The following CNTNAP3B variants were observed in gnomAD, a reference collection of about 807,000 sequenced individuals.
CNTNAP3B encodes the protein contactin associated protein family member 3B.
CNTNAP3B carries 25 observed loss-of-function variants against 108.9 expected under a neutral mutation model. The ratio of observed to expected loss-of-function variants is 0.23; its 90% CI spans 0.17 to 0.32. The LOEUF (loss-of-function observed/expected upper bound fraction) is 0.32, where lower values mean the gene tolerates loss of function less well. CNTNAP3B is among the 10% of genes least tolerant of loss of function. The pLI is 1.00. For synonymous variants in CNTNAP3B, 103 were observed against 473.4 expected, an observed-to-expected ratio of 0.22 and a Z score of 10.16; for missense variants, 252 against 1,210.4, an observed-to-expected ratio of 0.21 and a Z score of 11.75.
chr9:42,071,506 G>T (rs1234042785), intron 3 of CNTNAP3B, among the ~76,000 whole-genome samples: 1 of 135,924 alleles, frequency 7.4e-6, no homozygotes, highest in Non-Finnish European at 1.6e-5. Flanking sequence ...ATCTAAATAA[G>T]GTCAGTTCTT....
At chr9:42,097,101 G>A (rs1827916958) in intron 2 of CNTNAP3B, among the ~76,000 whole-genome samples, 1 of 139,818 alleles carries the variant, frequency 7.2e-6, no homozygotes, top group African/African-American at 2.8e-5. Flanking sequence ...TGATGGCTGT[G>A]TGGATCCAAT....
chr9:41,927,441 G>C (rs1244604143), intron 15 of CNTNAP3B, among the ~76,000 whole-genome samples: 18 of 149,552 alleles, frequency 1.2e-4, no homozygotes, highest in African/African-American at 4.2e-4. Context: ...AAGAAAGAGA[G>C]AGAAAGAAAG....
intron 18 of CNTNAP3B, among the ~76,000 whole-genome samples, chr9:41,919,398 G>A (rs1039597383): frequency 6.6e-6 from 1 of 151,476 alleles, no homozygotes; most frequent in Non-Finnish European, 1.5e-5. Flanking sequence ...ACAGGCATAA[G>A]CCACCACGCC....
chr9:41,927,423 A>G (rs1469479020), intron 15 of CNTNAP3B, among the ~76,000 whole-genome samples: 16 of 150,034 alleles, frequency 1.1e-4, no homozygotes, highest in African/African-American at 3.7e-4. Context: ...AGAAAGAAAA[A>G]GAAAGAAAAG....
In CNTNAP3B at chr9:41,934,188, C is replaced by CAT. The variant is rs748553009; in HGVS notation, c.2237+4054_2237+4055dup. Among the ~76,000 whole-genome samples the CAT allele has an allele frequency of 4.1e-3, 555 of 135,316 alleles. 6 individuals carry two copies. The highest frequency in any genetic ancestry group is 0.015 in the African/African-American group (516 of 34,746). 88.8% of individuals were successfully genotyped at this position (135,316 alleles called of 152,430 possible). A position where few individuals can be genotyped will look rare whatever the true frequency, so the allele number is the denominator to read the frequency against. On this transcript the variant is annotated intron_variant, in intron 14 of 23. Coordinates refer to ENST00000377561, the MANE Select transcript of CNTNAP3B (RefSeq NM_001201380.3). ...ACACACATATATATACACACACACACATATATATATACATACACACACACA... is the reference window on the plus strand; with the variant it reads ...ACACACATATATATACACACACACACATATATATATATACATACACACACACA...
rs906883538 is a variant in CNTNAP3B, at chr9:41,924,814, T to C, written c.2366-721A>G. Reference sequence around the variant, plus strand: ...ATTACTCAGGCCTCTTTAGTGTCCTTTATTCTGGTACAGTGTGTGAGTCTT... The same window carrying C: ...ATTACTCAGGCCTCTTTAGTGTCCTCTATTCTGGTACAGTGTGTGAGTCTT... On this transcript the variant is annotated intron_variant, in intron 15 of 23. Transcript: ENST00000377561. Among the ~76,000 whole-genome samples, 3 of 152,392 alleles carry C rather than the reference T, an allele frequency of 2.0e-5. No individual in the cohort carries two copies. In the East Asian group the frequency reaches 5.8e-4, roughly 29 times the overall value.
intron 2 of CNTNAP3B, among the ~76,000 whole-genome samples, chr9:42,098,491 G>A (rs1199024197): frequency 9.5e-6 from 1 of 105,208 alleles, no homozygotes; most frequent in Admixed American, 9.9e-5. Context: ...GCTGAGGCAG[G>A]AGAATGGCAT....
At chr9:42,053,920 AG>A (rs1470559455) in intron 3 of CNTNAP3B, among the ~76,000 whole-genome samples, 30 of 150,476 alleles carry the variant, frequency 2.0e-4, no homozygotes, top group Non-Finnish European at 3.5e-4. Context: ...AAACCATGGC[AG>A]ACTTGTATTG....
intron 15 of CNTNAP3B, among the ~76,000 whole-genome samples, chr9:41,928,547 C>T (rs1823883014): frequency 6.6e-6 from 1 of 152,226 alleles, no homozygotes; most frequent in Non-Finnish European, 1.5e-5. Flanking sequence ...ATGGAGACAC[C>T]ACACCATCTG....
chr9:41,922,459 C>G lies in CNTNAP3B; in HGVS notation c.2755+218G>C, dbSNP rs576073128. ...CCAGCCTGGGCGACACAGTGAGACT[C>G]TGTCTGAAAACAAAAATAAAAACAA... On this transcript the variant is annotated intron_variant, in intron 17 of 23. Transcript: ENST00000377561. 5.2e-4 allele frequency among the ~76,000 whole-genome samples: 74 copies of G among 141,092 alleles called. 6 individuals carry two copies. Among genetic ancestry groups the G allele is most frequent in the African/African-American group, 2.0e-3 (73 of 35,616 alleles). 92.6% of individuals were successfully genotyped at this position (141,092 alleles called of 152,430 possible).
At chr9:42,070,642 T>A (rs1202450299) in intron 3 of CNTNAP3B, among the ~76,000 whole-genome samples, 3 of 151,928 alleles carry the variant, frequency 2.0e-5, no homozygotes, top group Admixed American at 6.6e-5. Context: ...CTGTGCTAAC[T>A]GCAGTGTCTG....
At chr9:41,940,649 T>A (rs1393798454) in intron 13 of CNTNAP3B, among the ~76,000 whole-genome samples, 2 of 152,278 alleles carry the variant, frequency 1.3e-5, no homozygotes, top group Non-Finnish European at 2.9e-5. Context: ...ACCCCGTCTC[T>A]ACTAAAAATA....
chr9:41,986,692 T>A (rs1471296117), intron 8 of CNTNAP3B, among the ~76,000 whole-genome samples: 1 of 150,974 alleles, frequency 6.6e-6, no homozygotes, highest in Non-Finnish European at 1.5e-5. Context: ...TTTACAAGAA[T>A]CAAGAAAGTG....
chr9:41,958,089 G>T (rs1380860189), intron 12 of CNTNAP3B, among the ~76,000 whole-genome samples: 1 of 152,262 alleles, frequency 6.6e-6, no homozygotes, highest in Non-Finnish European at 1.5e-5. Context: ...TTCAAAGTGT[G>T]TTTTTTGCCT....
At chr9:42,110,309 C>T (rs1828169825) in intron 1 of CNTNAP3B, among the ~76,000 whole-genome samples, 2 of 136,986 alleles carry the variant, frequency 1.5e-5, no homozygotes, top group African/African-American at 5.9e-5. Flanking sequence ...GTGGCTCTCC[C>T]CATGCTTGCG....
chr9:42,120,139 A>C (rs1311890359), intron 1 of CNTNAP3B, among the ~76,000 whole-genome samples: 2 of 149,658 alleles, frequency 1.3e-5, no homozygotes, highest in East Asian at 2.0e-4. Flanking sequence ...GAGAAAAAAC[A>C]ACAATCCCAT....
chr9:41,934,120 T>TATATATATATATACAC (rs1824072160), intron 14 of CNTNAP3B, among the ~76,000 whole-genome samples: 2 of 120,438 alleles, frequency 1.7e-5, no homozygotes. Context: ...TATATATATA[T>TATATATATATATACAC]ATACACACAC....
At position 41,959,403 on chromosome 9, in the gene CNTNAP3B, C is replaced by G. The variant is rs1197420711; in HGVS notation, c.1876+1370G>C. On this transcript the variant is annotated intron_variant, in intron 12 of 23. Coordinates refer to ENST00000377561, the MANE Select transcript of CNTNAP3B (RefSeq NM_001201380.3). The stretch of plus-strand genomic sequence containing the variant: ...ACATTTTCTAGGGCAGAAAAGAGAC[C>G]AGAGTTTAGTGATTCCCCTACCATT... Among the ~76,000 whole-genome samples the G allele has an allele frequency of 2.0e-5, 3 of 152,398 alleles. No homozygotes were observed. In the South Asian group the frequency reaches 6.2e-4, roughly 32 times the overall value.
intron 11 of CNTNAP3B, among the ~76,000 whole-genome samples, 161 bp downstream of exon 11, chr9:41,964,377 T>C (rs1256698159): frequency 2.0e-5 from 3 of 152,388 alleles, no homozygotes; most frequent in East Asian, 1.9e-4. Context: ...AACACCCTTG[T>C]ATTAAATAAG....
Sources: allele counts gnomAD v4.1 joint callset (sites outside exome capture counted in the v4.1 genomes callset), GRCh38; gene constraint gnomAD v4.1.1; transcripts MANE v1.5; gene names NCBI Gene and HGNC (gene_info 2026-07-23, HGNC 2026-07-21).